The following LARP4 variants were observed in gnomAD, a reference collection of about 807,000 sequenced individuals.
LARP4 encodes la-related protein 4.
Under a neutral mutation model 92.9 loss-of-function variants are expected in LARP4, and 29 were observed. The observed-to-expected ratio is 0.31, with a 90% CI of 0.23 to 0.43. The LOEUF (loss-of-function observed/expected upper bound fraction) is 0.43, where lower values mean the gene tolerates loss of function less well. Among genes scored for constraint, LARP4 ranks in the 20% least tolerant of loss-of-function variants. LARP4 has a pLI of 1.00. For synonymous variants in LARP4, 279 were observed against 284.1 expected, an observed-to-expected ratio of 0.98 and a Z score of 0.18; for missense variants, 732 against 860.0, an observed-to-expected ratio of 0.85 and a Z score of 1.86.
At chr12:50,426,684 G>GGGGGGTGTGTGTGT (rs774548049) in intron 1 of LARP4, among the ~76,000 whole-genome samples, 1 of 86,174 alleles carries the variant, frequency 1.2e-5, no homozygotes, top group African/African-American at 5.0e-5. Context: ...TTATGTTTGG[G>GGGGGGTGTGTGTGT]GTGTGTGTGT....
chr12:50,448,361 A>T (rs1272551068), intron 8 of LARP4, among the ~76,000 whole-genome samples: 3 of 151,998 alleles, frequency 2.0e-5, no homozygotes, highest in Admixed American at 6.6e-5. Flanking sequence ...TAAGACTGAA[A>T]CTCTATAAAT....
chr12:50,445,134 G>C (rs187659585), intron 8 of LARP4, among the ~76,000 whole-genome samples: 186 of 151,972 alleles, frequency 1.2e-3, no homozygotes, highest in African/African-American at 4.4e-3. Flanking sequence ...TAACTCCTGA[G>C]GGCAAGCGAT....
chr12:50,423,179 T>C (rs1398146804), intron 1 of LARP4, among the ~76,000 whole-genome samples: 1 of 152,184 alleles, frequency 6.6e-6, no homozygotes, highest in Admixed American at 6.6e-5. Flanking sequence ...TTTATTTTCC[T>C]ATTTACATCC....
chr12:50,420,379 A>G (rs1425564131), intron 1 of LARP4, among the ~76,000 whole-genome samples: 2 of 152,224 alleles, frequency 1.3e-5, no homozygotes, highest in African/African-American at 2.4e-5. Flanking sequence ...GGTAGCATAT[A>G]TTTTATTGGA....
intron 15 of LARP4, among the ~76,000 whole-genome samples, chr12:50,475,288 G>A (rs760734043): frequency 8.6e-5 from 13 of 152,000 alleles, no homozygotes; most frequent in East Asian, 1.9e-4. Flanking sequence ...CATTTAGGTC[G>A]CTCCCATCAT....
At chr12:50,461,532 A>T in intron 11 of LARP4, 185 bp downstream of exon 11, 1 of 610,238 alleles carries the variant, frequency 1.6e-6, no homozygotes, top group East Asian at 3.1e-5. Flanking sequence ...TAGAGTGCCC[A>T]TACAGAATAT....
intron 8 of LARP4, among the ~76,000 whole-genome samples, chr12:50,443,541 A>G (rs1042850919): frequency 6.6e-6 from 1 of 152,200 alleles, no homozygotes; most frequent in African/African-American, 2.4e-5. Context: ...TGCTGAGATT[A>G]CAGATGTGAG....
At chr12:50,466,810 C>T in intron 12 of LARP4, 149 bp from the exon 13 acceptor site, 1 of 637,020 alleles carries the variant, frequency 1.6e-6, no homozygotes, top group Non-Finnish European at 2.6e-6. Context: ...AGTGAGATGT[C>T]AAACCAAGAA....
chr12:50,433,265 C>T (rs79380219), intron 4 of LARP4, among the ~76,000 whole-genome samples: 15,110 of 111,942 alleles, frequency 0.13, 1,607 homozygotes, highest in East Asian at 0.5. Flanking sequence ...TCTCCAAAAA[C>T]GTGATTTTTT....
At position 50,453,638 on chromosome 12, in the gene LARP4, C is replaced by T; in HGVS notation, c.983C>T (p.Ser328Phe). 3 of 1,610,608 alleles carry T rather than the reference C, an allele frequency of 1.9e-6. No individual in the cohort carries two copies. The highest frequency in any genetic ancestry group is 2.5e-6 in the Non-Finnish European group (3 of 1,177,464). ...TATAGTATTGTGCCTCAGTCTTGGTCTCCAAATCCTACACCTTACTTTGAA... is the reference window on the plus strand; with the variant it reads ...TATAGTATTGTGCCTCAGTCTTGGTTTCCAAATCCTACACCTTACTTTGAA... ...SVYSIVPQSW[S>F]PNPTPYFETP... Residue 328 changes from serine (S) to phenylalanine (F), a missense_variant, in exon 9 of 16, where the codon TCT (serine) becomes TTT (phenylalanine). Physicochemically the swap from Ser to Phe is radical, Grantham distance 155 (BLOSUM62 -2). Coordinates refer to ENST00000398473, the MANE Select transcript of LARP4 (RefSeq NM_052879.5).
In LARP4 at chr12:50,457,240, CTTG is replaced by C. The variant is rs1374341926; in HGVS notation, c.1121+2828_1121+2830del. ...TTTTTTTTAAAGACGGAGTTTTGCT[CTTG>C]TTGTCCAGGCTGGAGTGCAATGGCG... is the stretch of plus-strand genomic sequence containing the variant. On this transcript the variant is annotated intron_variant, in intron 10 of 15. Coordinates refer to ENST00000398473, the MANE Select transcript of LARP4 (RefSeq NM_052879.5). 8.2e-5 allele frequency among the ~76,000 whole-genome samples: 10 copies of C among 122,664 alleles called. 1 individual carries two copies. The highest frequency in any genetic ancestry group is 3.9e-4 in the Admixed American group (4 of 10,204). 80.5% of individuals were successfully genotyped at this position (122,664 alleles called of 152,430 possible).
chr12:50,452,783 G>A (rs972667431), intron 8 of LARP4, among the ~76,000 whole-genome samples: 3 of 152,128 alleles, frequency 2.0e-5, no homozygotes, highest in Non-Finnish European at 4.4e-5. Flanking sequence ...TGTGAACGCT[G>A]TTCATAGCAT....
intron 14 of LARP4, among the ~76,000 whole-genome samples, 177 bp from the exon 15 acceptor site, chr12:50,473,822 G>A (rs1383269930): frequency 2.9e-5 from 4 of 135,844 alleles, no homozygotes; most frequent in Non-Finnish European, 6.4e-5. Context: ...GGTGGGGGGG[G>A]TGGGGGGTGC....
At chr12:50,436,082 TGTGTGTGTG>T (rs1950388585) in intron 5 of LARP4, among the ~76,000 whole-genome samples, 1 of 79,900 alleles carries the variant, frequency 1.3e-5, no homozygotes, top group African/African-American at 3.3e-5. Flanking sequence ...TGTGTGTGTG[TGTGTGTGTG>T]TATCCCGCTG....
chr12:50,410,807 C>G (rs1453763666), intron 1 of LARP4, among the ~76,000 whole-genome samples: 1 of 152,122 alleles, frequency 6.6e-6, no homozygotes, highest in Non-Finnish European at 1.5e-5. Context: ...TCGTGACCCC[C>G]AAAAGGTTAA....
intron 8 of LARP4, among the ~76,000 whole-genome samples, chr12:50,449,519 C>G (rs1183489449): frequency 6.6e-6 from 1 of 151,976 alleles, no homozygotes; most frequent in African/African-American, 2.4e-5. Flanking sequence ...GATCTGTCTC[C>G]CATATTTCAT....
intron 1 of LARP4, among the ~76,000 whole-genome samples, chr12:50,423,540 C>T (rs1948209875): frequency 6.6e-6 from 1 of 152,132 alleles, no homozygotes; most frequent in South Asian, 2.1e-4. Context: ...CCTCCACCTT[C>T]AGGGTTCCAG....
chr12:50,424,598 TCCAC>T (rs996837397), intron 1 of LARP4, among the ~76,000 whole-genome samples: 4 of 151,866 alleles, frequency 2.6e-5, no homozygotes, highest in African/African-American at 7.2e-5. Flanking sequence ...CCTCAGGTGA[TCCAC>T]CCACCTCGGC....
chr12:50,457,812 C>CAAAA (rs10639447), intron 10 of LARP4, among the ~76,000 whole-genome samples: 4,554 of 144,858 alleles, frequency 0.031, 114 homozygotes, highest in South Asian at 0.046. Flanking sequence ...AGACCTTTCT[C>CAAAA]AAAAAAAAAA....
Sources: gnomAD v4.1 joint callset for allele counts (sites outside exome capture counted in the v4.1 genomes callset) on GRCh38, gnomAD v4.1.1 for gene constraint, MANE v1.5 for transcripts, NCBI Gene and HGNC (gene_info 2026-07-23, HGNC 2026-07-21) for gene names.